Variants in HEATR5B observed in about 807,000 individuals in gnomAD.
HEATR5B encodes the protein HEAT repeat containing 5B, also known as HEAT repeat-containing protein 5B.
A neutral mutation model predicts 224.1 loss-of-function variants in HEATR5B; 156 were observed. That is an observed-to-expected ratio of 0.70 (90% CI 0.61 to 0.80). HEATR5B has a LOEUF of 0.80. HEATR5B is among the 30% of genes least tolerant of loss of function. The probability of loss-of-function intolerance (pLI) is 0.00; values close to 1 mark genes in which losing one functional copy is unlikely to be tolerated. For missense variants in HEATR5B, 2,323 were observed against 2,535.5 expected (o/e 0.92, Z 1.80); for synonymous variants, 1,027 against 893.0 (o/e 1.15, Z -2.68).
At chr2:37,011,511 A>T (rs1281937673) in intron 27 of HEATR5B, among the ~76,000 whole-genome samples, 1 of 152,226 alleles carries the variant, frequency 6.6e-6, no homozygotes, top group Non-Finnish European at 1.5e-5. Context: ...AAGAGTTAAA[A>T]ATGACTCATA....
chr2:37,038,909 G>GT (rs1553313617), intron 20 of HEATR5B, among the ~76,000 whole-genome samples: 3 of 129,734 alleles, frequency 2.3e-5, no homozygotes, highest in African/African-American at 5.6e-5. Context: ...CCCTGGGGTG[G>GT]GGGGGGTGGG....
intron 19 of HEATR5B, among the ~76,000 whole-genome samples, 198 bp from the exon 20 acceptor site, chr2:37,040,716 C>A (rs1669819121): frequency 6.6e-6 from 1 of 151,820 alleles, no homozygotes; most frequent in Admixed American, 6.6e-5. Flanking sequence ...ATAATAACGT[C>A]TAAAAAGAAA....
intron 24 of HEATR5B, among the ~76,000 whole-genome samples, chr2:37,027,373 G>C (rs1364105189): frequency 2.0e-5 from 3 of 152,004 alleles, no homozygotes; most frequent in African/African-American, 7.3e-5. Context: ...TATAATAACA[G>C]ATTCAGGGGA....
At chr2:37,049,867 A>G in intron 17 of HEATR5B, 24 bp from the exon 18 acceptor site, 1 of 1,465,110 alleles carries the variant, frequency 6.8e-7, no homozygotes, top group Non-Finnish European at 9.1e-7. Flanking sequence ...AAAAAAAAAA[A>G]AAAGACAGCA....
chr2:37,077,254 TC>T (rs1453368620), intron 3 of HEATR5B, among the ~76,000 whole-genome samples: 1 of 152,200 alleles, frequency 6.6e-6, no homozygotes. Context: ...TACAAAAGAA[TC>T]TATATATGTA....
At chr2:37,045,592 T>A (rs1167873776) in intron 18 of HEATR5B, among the ~76,000 whole-genome samples, 1 of 152,210 alleles carries the variant, frequency 6.6e-6, no homozygotes, top group East Asian at 1.9e-4. Context: ...CCTTCCCCAG[T>A]CTTGGGTAGT....
chr2:37,076,775 C>A, intron 4 of HEATR5B, 136 bp downstream of exon 4: 1 of 617,946 alleles, frequency 1.6e-6, no homozygotes, highest in Non-Finnish European at 2.9e-6. Flanking sequence ...AAAGAAGGGA[C>A]AAGTAATAAT....
chr2:37,079,907 T>C (rs547873904), intron 2 of HEATR5B, among the ~76,000 whole-genome samples: 66 of 152,298 alleles, frequency 4.3e-4, no homozygotes, highest in Non-Finnish European at 4.0e-4. Flanking sequence ...GTCCCTGCCC[T>C]CATTAAGTTT....
At chr2:37,029,011 A>G in intron 22 of HEATR5B, 91 bp from the exon 23 acceptor site, 3 of 1,294,572 alleles carry the variant, frequency 2.3e-6, no homozygotes, top group Non-Finnish European at 3.2e-6. Context: ...TTACATATAA[A>G]TTCACAACAG....
rs1025441523 is a variant in HEATR5B at position 37,038,911 on chromosome 2, G to GT, written c.3047-888_3047-887insA. ...CAAGACTCTGTCTCCCTGGGGTGGG[G>GT]GGGGTGGGGAATCACATATTTTTCA... is the stretch of plus-strand genomic sequence containing the variant. On this transcript the variant is annotated intron_variant, in intron 20 of 35. Transcript: ENST00000233099. Among the ~76,000 whole-genome samples the GT allele has an allele frequency of 1.1e-4, 15 of 131,340 alleles. No individual in the cohort carries two copies. The East Asian group carries it at 3.6e-3, about 32-fold the overall frequency. The allele number at this position is 131,340 out of a possible 152,430, so 86.2% of individuals were successfully genotyped here.
At chr2:37,049,467 T>G (rs975414567) in intron 18 of HEATR5B, among the ~76,000 whole-genome samples, 186 bp downstream of exon 18, 1 of 152,200 alleles carries the variant, frequency 6.6e-6, no homozygotes, top group Non-Finnish European at 1.5e-5. Flanking sequence ...GTATCTAACA[T>G]ATTACAACTT....
chr2:36,997,830 T>C (rs905347445), intron 33 of HEATR5B, among the ~76,000 whole-genome samples: 3 of 152,128 alleles, frequency 2.0e-5, no homozygotes, highest in African/African-American at 7.2e-5. Flanking sequence ...CCTCCCAAAG[T>C]CCTGGGATTA....
intron 18 of HEATR5B, among the ~76,000 whole-genome samples, chr2:37,046,407 G>A (rs966603723): frequency 7.2e-5 from 11 of 152,144 alleles, no homozygotes; most frequent in African/African-American, 2.7e-4. Context: ...GGGAGGCCAA[G>A]GTGGGTGGAT....
In HEATR5B at chr2:37,060,763, T is replaced by C. The variant is rs192885026; in HGVS notation, c.1697-30A>G. On this transcript the variant is annotated intron_variant, in intron 11 of 35. Transcript: ENST00000233099. ...CCAAGAAAATGAGAATACAAAACCA[T>C]GTATATGTAACATACCTTACAAACA... 40 of 1,602,058 alleles carry C rather than the reference T, an allele frequency of 2.5e-5. No individual in the cohort carries two copies. The East Asian group carries it at 7.2e-4, about 29-fold the overall frequency.
intron 18 of HEATR5B, among the ~76,000 whole-genome samples, chr2:37,042,879 G>C (rs910347686): frequency 7.4e-6 from 1 of 134,720 alleles, no homozygotes; most frequent in Admixed American, 8.1e-5. Context: ...GCGACAGTGA[G>C]ACTCTGTCTC....
At chr2:36,988,402 G>A (rs1223737143) in intron 35 of HEATR5B, among the ~76,000 whole-genome samples, 2 of 152,016 alleles carry the variant, frequency 1.3e-5, no homozygotes, top group East Asian at 1.9e-4. Context: ...AGCTGGGACA[G>A]CAGGTGTGCG....
At position 36,981,713 on chromosome 2, in the gene HEATR5B, G is replaced by A; in HGVS notation, c.5993C>T (p.Ala1998Val). ...DENSFASASS[A>V]SKDLHEFALQ... ...TGCAAACTCATGAAGATCTTTGGAAGCTGAACTTGCTGAGGCAAAAGAATT... is the reference window on the plus strand; with the variant it reads ...TGCAAACTCATGAAGATCTTTGGAAACTGAACTTGCTGAGGCAAAAGAATT... The change falls in exon 36 of 36, where the codon GCT (alanine) becomes GTT (valine). Residue 1998 changes from alanine to valine, a missense_variant. Coordinates refer to ENST00000233099, the MANE Select transcript of HEATR5B (RefSeq NM_019024.3). 1 of 1,614,022 alleles carries A rather than the reference G, an allele frequency of 6.2e-7. No homozygotes were observed. Among genetic ancestry groups the A allele is most frequent in the African/African-American group, 1.3e-5 (1 of 75,030 alleles).
intron 13 of HEATR5B, 111 bp from the exon 14 acceptor site, chr2:37,058,671 T>G (rs950229917): frequency 1.6e-5 from 12 of 755,918 alleles, no homozygotes; most frequent in Middle Eastern, 3.6e-4. Flanking sequence ...AGTATACACT[T>G]TCATTTTAGC....
chr2:37,069,505 C>T (rs935359922), intron 7 of HEATR5B, among the ~76,000 whole-genome samples: 3 of 152,076 alleles, frequency 2.0e-5, no homozygotes, highest in African/African-American at 7.2e-5. Flanking sequence ...CTTATAATTA[C>T]ACTGGTGATT....
Sources: allele counts gnomAD v4.1 joint callset (sites outside exome capture counted in the v4.1 genomes callset), GRCh38; gene constraint gnomAD v4.1.1; transcripts MANE v1.5; gene names NCBI Gene and HGNC (gene_info 2026-07-23, HGNC 2026-07-21).